IQCM: variants seen among roughly 807,000 people sequenced by gnomAD.
The protein encoded by IQCM is IQ domain-containing protein M.
Under a neutral mutation model 57.6 loss-of-function variants are expected in IQCM, and 45 were observed. That is an observed-to-expected ratio of 0.78 (90% confidence interval 0.62 to 1.00). IQCM has a LOEUF of 1.00. Among genes scored for constraint, IQCM ranks in the 50% least tolerant of loss-of-function variants. IQCM has a pLI of 0.00. For synonymous variants in IQCM, 148 were observed against 158.9 expected, an observed-to-expected ratio of 0.93 and a Z score of 0.51; for missense variants, 468 against 511.6, an observed-to-expected ratio of 0.91 and a Z score of 0.82.
chr4:149,665,000 C>T (rs2150162578), intron 7 of IQCM, among the ~76,000 whole-genome samples: 1 of 152,226 alleles, frequency 6.6e-6, no homozygotes, highest in East Asian at 1.9e-4. Context: ...GAATTTGAAA[C>T]CAAATTATCA....
chr4:149,704,271 T>G (rs746646962), intron 5 of IQCM, among the ~76,000 whole-genome samples: 11 of 152,004 alleles, frequency 7.2e-5, no homozygotes, highest in Non-Finnish European at 1.0e-4. Context: ...CACAATCATG[T>G]ATCATCTTGC....
chr4:149,810,544 G>A (rs772624983), intron 2 of IQCM, among the ~76,000 whole-genome samples: 1 of 151,872 alleles, frequency 6.6e-6, no homozygotes, highest in African/African-American at 2.4e-5. Flanking sequence ...CTGCCTCCCA[G>A]GTTCAAGCGA....
chr4:149,486,017 G>GTCAGTCTCTCTCTC (rs1741445574), intron 12 of IQCM, among the ~76,000 whole-genome samples: 1 of 121,598 alleles, frequency 8.2e-6, no homozygotes, highest in African/African-American at 3.0e-5. Context: ...AGCAAACAGA[G>GTCAGTCTCTCTCTC]TCTCTCTCTC....
chr4:149,686,335 A>T, intron 6 of IQCM, 43 bp downstream of exon 6: 1 of 940,556 alleles, frequency 1.1e-6, no homozygotes, highest in Non-Finnish European at 1.4e-6. Flanking sequence ...GGCAAAGTAG[A>T]AGAAAATATA....
chr4:149,775,752 T>C (rs1181894864), intron 2 of IQCM, among the ~76,000 whole-genome samples: 1 of 152,246 alleles, frequency 6.6e-6, no homozygotes, highest in East Asian at 1.9e-4. Context: ...TCAGCCAAGA[T>C]AATGATGTTC....
At chr4:149,418,471 G>T (rs761598234) in intron 13 of IQCM, among the ~76,000 whole-genome samples, 1 of 151,910 alleles carries the variant, frequency 6.6e-6, no homozygotes. Context: ...GAAAAAACAC[G>T]CAGGACCAGA....
At chr4:149,737,933 C>A (rs886432916) in intron 3 of IQCM, among the ~76,000 whole-genome samples, 1 of 152,100 alleles carries the variant, frequency 6.6e-6, no homozygotes, top group African/African-American at 2.4e-5. Context: ...TAATTACAAT[C>A]ACTTATAATT....
chr4:149,755,824 A>C (rs2149948543), intron 2 of IQCM, among the ~76,000 whole-genome samples: 1 of 152,256 alleles, frequency 6.6e-6, no homozygotes, highest in Non-Finnish European at 1.5e-5. Flanking sequence ...ACAAGAAAAA[A>C]TGTGGTCAAA....
chr4:149,410,633 A>AC (rs912767709), intron 13 of IQCM, among the ~76,000 whole-genome samples: 3 of 151,516 alleles, frequency 2.0e-5, no homozygotes, highest in Admixed American at 1.3e-4. Context: ...ACATTGTCAC[A>AC]CTTTTTTTTT....
intron 8 of IQCM, among the ~76,000 whole-genome samples, chr4:149,590,769 A>G (rs1218883753): frequency 2.6e-5 from 4 of 152,090 alleles, no homozygotes; most frequent in Non-Finnish European, 5.9e-5. Context: ...TGTCCCTGCA[A>G]AGAACATGAG....
At chr4:149,561,914 G>A (rs1750161267) in intron 10 of IQCM, among the ~76,000 whole-genome samples, 1 of 152,124 alleles carries the variant, frequency 6.6e-6, no homozygotes, top group African/African-American at 2.4e-5. Flanking sequence ...GTGTCTAAGT[G>A]AATACACTTT....
chr4:149,780,293 ATC>A (rs2150007246), intron 2 of IQCM: 1 of 152,230 alleles, frequency 6.6e-6, no homozygotes, highest in South Asian at 2.1e-4. Context: ...TAGAGGGATG[ATC>A]TCTTTGTTGA....
intron 13 of IQCM, among the ~76,000 whole-genome samples, chr4:149,393,543 T>G (rs1487742842): frequency 1.3e-5 from 2 of 151,874 alleles, no homozygotes; most frequent in African/African-American, 4.8e-5. Context: ...TTCAAGATTC[T>G]CAAATCCCAA....
At chr4:149,527,287 T>C (rs1447857947) in intron 12 of IQCM, among the ~76,000 whole-genome samples, 1 of 152,222 alleles carries the variant, frequency 6.6e-6, no homozygotes, top group Non-Finnish European at 1.5e-5. Context: ...TGACATGTAT[T>C]TCCCTCTTAT....
chr4:149,611,914 G>A (rs1579695420), intron 8 of IQCM, among the ~76,000 whole-genome samples: 1 of 152,016 alleles, frequency 6.6e-6, no homozygotes, highest in African/African-American at 2.4e-5. Context: ...AATATCATAT[G>A]TACCCCATGA....
chr4:149,776,312 T>C (rs540687332), intron 2 of IQCM, among the ~76,000 whole-genome samples: 1 of 152,208 alleles, frequency 6.6e-6, no homozygotes, highest in East Asian at 1.9e-4. Context: ...ATGAGATCAA[T>C]AACACAATAC....
intron 7 of IQCM, among the ~76,000 whole-genome samples, chr4:149,668,854 A>C (rs2150172082): frequency 6.6e-6 from 1 of 152,284 alleles, no homozygotes; most frequent in Admixed American, 6.5e-5. Flanking sequence ...AAGAAAATAA[A>C]GTTGAGAGTA....
At chr4:149,772,022 C>A (rs766409703) in intron 2 of IQCM, among the ~76,000 whole-genome samples, 3 of 152,158 alleles carry the variant, frequency 2.0e-5, no homozygotes, top group Non-Finnish European at 2.9e-5. Flanking sequence ...AATGTCCTGG[C>A]TGAAATGATC....
At chr4:149,362,379 T>C (rs1729554779) in intron 13 of IQCM, among the ~76,000 whole-genome samples, 1 of 152,182 alleles carries the variant, frequency 6.6e-6, no homozygotes, top group Admixed American at 6.5e-5. Context: ...TGATATGGTC[T>C]GGCTCTGTCC....
Sources: gnomAD v4.1 joint callset for allele counts (sites outside exome capture counted in the v4.1 genomes callset) on GRCh38, gnomAD v4.1.1 for gene constraint, MANE v1.5 for transcripts, NCBI Gene and HGNC (gene_info 2026-07-23, HGNC 2026-07-21) for gene names.